Variants in TFB1M observed in about 807,000 individuals in gnomAD.
TFB1M encodes transcription factor B1, mitochondrial.
A neutral mutation model predicts 31.1 loss-of-function variants in TFB1M; 27 were observed. The ratio of observed to expected loss-of-function variants is 0.87; its 90% confidence interval spans 0.64 to 1.20. The LOEUF (loss-of-function observed/expected upper bound fraction) is 1.20, where lower values mean the gene tolerates loss of function less well. Among genes scored for constraint, TFB1M ranks in the 50% most tolerant of loss-of-function variants. The probability of loss-of-function intolerance (pLI) is 0.00; values close to 1 mark genes in which losing one functional copy is unlikely to be tolerated. For missense variants in TFB1M, 394 were observed against 418.7 expected (o/e 0.94, Z 0.51); for synonymous variants, 166 against 151.8 (o/e 1.09, Z -0.69).
chr6:155,270,950 T>A (rs77845485), intron 5 of TFB1M, among the ~76,000 whole-genome samples: 1 of 152,272 alleles, frequency 6.6e-6, no homozygotes, highest in South Asian at 2.1e-4. Context: ...CACATAAAGC[T>A]TACAACGACT....
the TFB1M span, chr6:155,244,961 A>AT: frequency 0.15 from 104,910 of 718,546 alleles, 7,360 homozygotes; most frequent in Non-Finnish European, 0.16. Flanking sequence ...GGCTGTATAT[A>AT]TTTTTTTTTC....
the TFB1M span, among the ~76,000 whole-genome samples, chr6:155,246,545 A>T: frequency 6.6e-6 from 1 of 152,190 alleles, no homozygotes; most frequent in Non-Finnish European, 1.5e-5. Context: ...TGTGTTGCCC[A>T]GGCTGGTCTC....
intron 6 of TFB1M, among the ~76,000 whole-genome samples, chr6:155,258,566 T>G (rs1562383159): frequency 6.6e-6 from 1 of 152,226 alleles, no homozygotes; most frequent in Non-Finnish European, 1.5e-5. Flanking sequence ...TAGGAAAATA[T>G]AATTATTCCT....
At chr6:155,253,143 T>A, downstream of TFB1M, 2 of 1,080,142 alleles carry the variant, frequency 1.9e-6, no homozygotes, top group Non-Finnish European at 2.7e-6. Context: ...TGGGGATAAT[T>A]TTTGGTGCCT....
intron 5 of TFB1M, among the ~76,000 whole-genome samples, chr6:155,266,622 G>A (rs1023833792): frequency 1.3e-5 from 2 of 151,966 alleles, no homozygotes; most frequent in African/African-American, 2.4e-5. Context: ...CAAAGCGGGC[G>A]AATCATGAGG....
At chr6:155,242,219 G>A in the TFB1M span, among the ~76,000 whole-genome samples, 1 of 152,236 alleles carries the variant, frequency 6.6e-6, no homozygotes, top group Non-Finnish European at 1.5e-5. Flanking sequence ...GCACCAGCCT[G>A]TGAGGCATGA....
chr6:155,292,935 C>T (rs2114765353), intron 4 of TFB1M, among the ~76,000 whole-genome samples: 2 of 152,202 alleles, frequency 1.3e-5, no homozygotes, highest in Middle Eastern at 6.8e-3. Context: ...CTCAGGTGAT[C>T]CTCCCACCTC....
chr6:155,245,679 G>A, the TFB1M span: 2 of 1,613,040 alleles, frequency 1.2e-6, no homozygotes, highest in African/African-American at 2.7e-5. Flanking sequence ...ACTTTAAACT[G>A]TACAGTGGAT....
intron 5 of TFB1M, among the ~76,000 whole-genome samples, chr6:155,268,969 A>C (rs9478632): frequency 9.9e-6 from 1 of 100,528 alleles, no homozygotes; most frequent in Non-Finnish European, 1.9e-5. Flanking sequence ...AAGAAAAAAG[A>C]AAAAAAATTA....
At chr6:155,307,897 C>G (rs1001227008) in intron 2 of TFB1M, among the ~76,000 whole-genome samples, 4 of 146,530 alleles carry the variant, frequency 2.7e-5, no homozygotes, top group African/African-American at 1.0e-4. Flanking sequence ...CAGGTTTGCT[C>G]TAAAATAAAC....
At chr6:155,233,704 C>T in the TFB1M span, among the ~76,000 whole-genome samples, 12 of 152,150 alleles carry the variant, frequency 7.9e-5, no homozygotes, top group African/African-American at 2.9e-4. Context: ...CATGGTGGCT[C>T]ACGCCTATAA....
rs1316345313 is a variant in TFB1M, at chr6:155,305,593, T to TTA, written c.285+5593_285+5594dup. The stretch of plus-strand genomic sequence containing the variant: ...TTTATATATATATTAAATTATATAT[T>TTA]TATATATAAATATATATATATTAAA... On this transcript the variant is annotated intron_variant, in intron 2 of 6. Transcript: ENST00000367166. 3.5e-3 allele frequency among the ~76,000 whole-genome samples: 64 copies of TTA among 18,438 alleles called. 12 individuals carry two copies. The highest frequency in any genetic ancestry group is 0.013 in the East Asian group (1 of 80). The allele number at this position is 18,438 out of a possible 152,430, so 12.1% of individuals were successfully genotyped here.
chr6:155,284,655 C>T (rs1267679987), intron 5 of TFB1M, among the ~76,000 whole-genome samples: 1 of 152,168 alleles, frequency 6.6e-6, no homozygotes, highest in African/African-American at 2.4e-5. Flanking sequence ...CACTTACTCA[C>T]ATAACTAGCA....
intron 2 of TFB1M, among the ~76,000 whole-genome samples, chr6:155,303,692 T>C (rs1035644831): frequency 6.6e-6 from 1 of 152,212 alleles, no homozygotes; most frequent in African/African-American, 2.4e-5. Context: ...AAAATAGCTC[T>C]TTCTGCCTGG....
chr6:155,311,239 G>A lies in TFB1M; in HGVS notation c.234C>T (p.Val78=), dbSNP rs1778003705. ...CCTTTTCAACCACCAGAAGTTCAGC[G>A]ACGTCGGCATTAAGAATAGATCTTG... ...GITRSILNAD[V]AELLVVEKDT... is the part of the protein sequence containing the mutation. Residue 78 remains valine (V), a synonymous_variant, in exon 2 of 7, where the codon GTC becomes GTT. Coordinates refer to ENST00000367166, the MANE Select transcript of TFB1M (RefSeq NM_016020.4). 6.2e-7 allele frequency: 1 copy of A among 1,614,128 alleles called. No individual in the cohort carries two copies. Among genetic ancestry groups the A allele is most frequent in the South Asian group, 1.1e-5 (1 of 91,080 alleles).
the TFB1M span, chr6:155,250,535 C>G: frequency 6.5e-7 from 1 of 1,535,738 alleles, no homozygotes. Flanking sequence ...GCTCTTTTAT[C>G]AGCAGCCCGA....
chr6:155,294,816 C>T (rs1238630523), intron 4 of TFB1M, among the ~76,000 whole-genome samples: 1 of 152,134 alleles, frequency 6.6e-6, no homozygotes, highest in Non-Finnish European at 1.5e-5. Context: ...AAATGTTGCC[C>T]ATGTGCCCCA....
chr6:155,250,593 C>T, the TFB1M span: 1 of 1,535,986 alleles, frequency 6.5e-7, no homozygotes. Context: ...GGAAAGCTTA[C>T]AAAAGGCACT....
intron 6 of TFB1M, 27 bp downstream of exon 6, chr6:155,260,246 A>G (rs762000268): frequency 6.2e-7 from 1 of 1,613,546 alleles, no homozygotes; most frequent in African/African-American, 1.3e-5. Context: ...AAAGACTGCA[A>G]CTGAAGAGAA....
Sources: gnomAD v4.1 joint callset for allele counts (sites outside exome capture counted in the v4.1 genomes callset) on GRCh38, gnomAD v4.1.1 for gene constraint, MANE v1.5 for transcripts, NCBI Gene and HGNC (gene_info 2026-07-23, HGNC 2026-07-21) for gene names.